The following TM9SF4 variants were observed in gnomAD, a reference collection of about 807,000 sequenced individuals.
TM9SF4 encodes transmembrane 9 superfamily member 4.
In TM9SF4, 26 loss-of-function variants were observed where a neutral mutation model predicts 90.4. That is an observed-to-expected ratio of 0.29 (90% CI 0.21 to 0.40). The LOEUF is 0.40. TM9SF4 is among the 10% of genes least tolerant of loss of function. The pLI, the probability that TM9SF4 is intolerant of heterozygous loss-of-function variation, is 1.00. For synonymous variants in TM9SF4, 293 were observed against 315.4 expected (o/e 0.93, Z 0.75); for missense variants, 549 against 834.8 (o/e 0.66, Z 4.22).
At chr20:32,150,556 G>A in intron 10 of TM9SF4, 66 bp from the exon 11 acceptor site, 1 of 1,598,642 alleles carries the variant, frequency 6.3e-7, no homozygotes, top group Non-Finnish European at 8.6e-7. Flanking sequence ...GCTGGGGCTG[G>A]GGCTAGAGGC....
chr20:32,112,079 A>G lies in TM9SF4; in HGVS notation c.15+2324A>G, dbSNP rs527405593. Among the ~76,000 whole-genome samples the G allele has an allele frequency of 9.8e-5, 15 of 152,294 alleles. No individual in the cohort carries two copies. The South Asian group carries it at 2.9e-3, about 29-fold the overall frequency. The stretch of plus-strand genomic sequence containing the variant: ...TTCTCAGTTGGCACAGAGGCTGTGG[A>G]AAGGAGTTTGGATTTTAGTCTAAGC... On this transcript the variant is annotated intron_variant, in intron 1 of 17. Coordinates refer to ENST00000398022, the MANE Select transcript of TM9SF4 (RefSeq NM_014742.4).
At chr20:32,118,894 G>T (rs1387040714) in intron 1 of TM9SF4, among the ~76,000 whole-genome samples, 3 of 152,046 alleles carry the variant, frequency 2.0e-5, no homozygotes, top group Admixed American at 6.5e-5. Flanking sequence ...CTTACAAAGT[G>T]CTGGGATTAT....
At chr20:32,141,733 C>G (rs566985145) in intron 4 of TM9SF4, 33 bp from the exon 5 acceptor site, 8 of 1,613,156 alleles carry the variant, frequency 5.0e-6, no homozygotes, top group Middle Eastern at 1.7e-4. Flanking sequence ...GAGAGGCGGT[C>G]GAGAGGGACT....
At chr20:32,164,934 C>A (rs751657004) in intron 17 of TM9SF4, among the ~76,000 whole-genome samples, 3 of 152,178 alleles carry the variant, frequency 2.0e-5, no homozygotes, top group Non-Finnish European at 2.9e-5. Flanking sequence ...TGAAGCTGGG[C>A]ATCCTGGACA....
At chr20:32,135,744 G>C (rs1017881572) in intron 2 of TM9SF4, among the ~76,000 whole-genome samples, 1 of 152,164 alleles carries the variant, frequency 6.6e-6, no homozygotes, top group African/African-American at 2.4e-5. Flanking sequence ...AGTGAACTTC[G>C]TTGCTCCTAA....
chr20:32,136,310 A>T, intron 3 of TM9SF4, 137 bp downstream of exon 3: 1 of 786,166 alleles, frequency 1.3e-6, no homozygotes, highest in Non-Finnish European at 2.0e-6. Context: ...AGCTTATTTA[A>T]ACCTCATAAC....
At chr20:32,118,626 TA>T (rs1233506610) in intron 1 of TM9SF4, among the ~76,000 whole-genome samples, 5 of 149,912 alleles carry the variant, frequency 3.3e-5, no homozygotes, top group African/African-American at 1.2e-4. Flanking sequence ...TTTATTTATT[TA>T]TTTATTTATT....
Position 32,157,806 on chromosome 20 carries a change from A to T in TM9SF4, c.1342A>T (p.Thr448Ser). The change falls in exon 14 of 18, where the codon ACC becomes TCC. Residue 448 changes from threonine (T) to serine (S), a missense_variant. Transcript: ENST00000398022. The part of the protein sequence containing the change: ...KHSSGAVPFP[T>S]MVALLCMWFG... ...GCCATGTCTACAGGTGCCCTTTCCC[A>T]CCATGGTGGCTCTGCTGTGCATGTG... The T allele has an allele frequency of 6.2e-7, 1 of 1,613,848 alleles. No homozygotes were observed. Among genetic ancestry groups the T allele is most frequent in the South Asian group, 1.1e-5 (1 of 91,064 alleles).
At chr20:32,142,035 A>C in intron 5 of TM9SF4, 140 bp downstream of exon 5, 3 of 1,400,356 alleles carry the variant, frequency 2.1e-6, no homozygotes, top group Non-Finnish European at 2.9e-6. Context: ...CAGAGGTCCG[A>C]GTGCTCCGGG....
chr20:32,164,078 ATC>A (rs1421071937), intron 17 of TM9SF4, among the ~76,000 whole-genome samples: 2 of 151,990 alleles, frequency 1.3e-5, no homozygotes, highest in Non-Finnish European at 2.9e-5. Context: ...TGCTCAAAAA[ATC>A]TCTTCCTCCA....
chr20:32,132,042 GT>G (rs1180902615), intron 1 of TM9SF4, among the ~76,000 whole-genome samples: 1 of 152,190 alleles, frequency 6.6e-6, no homozygotes, highest in Admixed American at 6.5e-5. Context: ...CCCTGAGGTT[GT>G]TTTTTAGATA....
chr20:32,137,108 G>A (rs373012555), intron 3 of TM9SF4: 27 of 450,748 alleles, frequency 6.0e-5, no homozygotes, highest in Admixed American at 3.3e-4. Flanking sequence ...GCCTTGTAGC[G>A]TTGAACAGAG....
At chr20:32,115,877 G>A (rs950469399) in intron 1 of TM9SF4, among the ~76,000 whole-genome samples, 4 of 136,262 alleles carry the variant, frequency 2.9e-5, no homozygotes, top group African/African-American at 8.4e-5. Context: ...GCAATGGTGC[G>A]ATCTCAGCTC....
In TM9SF4 at chr20:32,166,001, C is replaced by G. The variant is rs1336474312; in HGVS notation, c.*557C>G. On this transcript the variant is annotated 3_prime_UTR_variant, in exon 18 of 18. Transcript: ENST00000398022. ...CAGTGCCAGCCAGCCTCTGCCAGAC[C>G]TCTCTTTCCCTCTTCTCCCCAGCCT... The G allele has an allele frequency of 1.3e-5, 2 of 154,002 alleles. No homozygotes were observed. Among genetic ancestry groups the G allele is most frequent in the Non-Finnish European group, 2.9e-5 (2 of 69,124 alleles). The allele number at this position is 154,002 out of a possible 1,614,324, so 9.5% of individuals were successfully genotyped here.
At chr20:32,110,634 C>T (rs1021167883) in intron 1 of TM9SF4, among the ~76,000 whole-genome samples, 7 of 152,168 alleles carry the variant, frequency 4.6e-5, no homozygotes, top group African/African-American at 1.7e-4. Context: ...TCACTGCTCT[C>T]CTTCCCATTC....
At chr20:32,158,980 T>TAAAAAA (rs5841101) in intron 15 of TM9SF4, among the ~76,000 whole-genome samples, 1 of 140,956 alleles carries the variant, frequency 7.1e-6, no homozygotes, top group Non-Finnish European at 1.5e-5. Flanking sequence ...AGACTCCATC[T>TAAAAAA]AAAAAAAAAA....
At chr20:32,109,931 T>G in intron 1 of TM9SF4, 176 bp downstream of exon 1, 1 of 1,441,802 alleles carries the variant, frequency 6.9e-7, no homozygotes, top group Non-Finnish European at 9.1e-7. Context: ...GCCCTGCCCC[T>G]GCACTCAGGC....
intron 17 of TM9SF4, among the ~76,000 whole-genome samples, chr20:32,162,684 C>T (rs959865514): frequency 6.6e-6 from 1 of 152,180 alleles, no homozygotes; most frequent in African/African-American, 2.4e-5. Flanking sequence ...TGGACAGCTC[C>T]TGTCATTATC....
intron 1 of TM9SF4, among the ~76,000 whole-genome samples, chr20:32,115,377 G>T (rs1284792041): frequency 2.6e-5 from 4 of 152,196 alleles, no homozygotes; most frequent in Admixed American, 2.6e-4. Flanking sequence ...TGGCAAAAAG[G>T]TGGGAAGGAC....
Sources: gnomAD v4.1 joint callset for allele counts (sites outside exome capture counted in the v4.1 genomes callset) on GRCh38, gnomAD v4.1.1 for gene constraint, MANE v1.5 for transcripts, NCBI Gene and HGNC (gene_info 2026-07-23, HGNC 2026-07-21) for gene names.